The following GPR176 variants were observed in gnomAD, a reference collection of about 807,000 sequenced individuals.
The protein encoded by GPR176 is G-protein coupled receptor 176.
GPR176 carries 26 observed loss-of-function variants against 35.4 expected under a neutral mutation model. The observed-to-expected ratio is 0.74, with a 90% CI of 0.54 to 1.02. GPR176 has a LOEUF of 1.02. Ranked by LOEUF, GPR176 falls within the 50% of genes least tolerant of loss-of-function variation. The pLI, the probability that GPR176 is intolerant of heterozygous loss-of-function variation, is 0.00. For synonymous variants in GPR176, 278 were observed against 271.3 expected (o/e 1.02, Z -0.24); for missense variants, 597 against 665.3 (o/e 0.90, Z 1.13).
intron 1 of GPR176, among the ~76,000 whole-genome samples, chr15:39,878,455 T>G (rs1020749320): frequency 4.2e-5 from 6 of 142,914 alleles, no homozygotes; most frequent in South Asian, 2.4e-4. Context: ...GACTTCTTCC[T>G]TGTGACCAAA....
At chr15:39,906,062 A>C (rs541872031) in intron 1 of GPR176, among the ~76,000 whole-genome samples, 1 of 152,336 alleles carries the variant, frequency 6.6e-6, no homozygotes, top group East Asian at 1.9e-4. Flanking sequence ...TAAAAAGTTC[A>C]GTTTTTAAAA....
At chr15:39,882,934 T>A (rs1241703806) in intron 1 of GPR176, among the ~76,000 whole-genome samples, 1 of 152,210 alleles carries the variant, frequency 6.6e-6, no homozygotes, top group African/African-American at 2.4e-5. Context: ...AAGTGGCAAA[T>A]GTCGGCAATG....
chr15:39,890,941 G>C lies in GPR176; in HGVS notation c.172+28914C>G, dbSNP rs560907962. 3.4e-4 allele frequency among the ~76,000 whole-genome samples: 52 copies of C among 152,326 alleles called. No homozygotes were observed. The South Asian group carries it at 0.011, about 31-fold the overall frequency. ...CAAATTTATAATTGTAGAGTTTAAT[G>C]GAGTAAGACAGAACCCAAGGGGGAG... On this transcript the variant is annotated intron_variant, in intron 1 of 2. Coordinates refer to ENST00000561100, the MANE Select transcript of GPR176 (RefSeq NM_007223.3).
At chr15:39,810,782 T>C (rs1899495556) in intron 1 of GPR176, among the ~76,000 whole-genome samples, 1 of 152,182 alleles carries the variant, frequency 6.6e-6, no homozygotes, top group South Asian at 2.1e-4. Context: ...GAGGCCAAAG[T>C]GGATCGACAA....
intron 1 of GPR176, among the ~76,000 whole-genome samples, chr15:39,860,053 T>C (rs770233932): frequency 1.3e-5 from 2 of 151,880 alleles, no homozygotes; most frequent in Non-Finnish European, 2.9e-5. Context: ...ACTCAACATA[T>C]AGGCCACTTG....
chr15:39,837,631 AG>A (rs1368664080), intron 1 of GPR176, among the ~76,000 whole-genome samples: 2 of 152,114 alleles, frequency 1.3e-5, no homozygotes, highest in African/African-American at 4.8e-5. Flanking sequence ...TGGTAACAGT[AG>A]TAGTAGTAGC....
intron 1 of GPR176, among the ~76,000 whole-genome samples, chr15:39,816,648 C>T (rs1157567842): frequency 6.6e-6 from 1 of 152,172 alleles, no homozygotes; most frequent in East Asian, 1.9e-4. Flanking sequence ...TTGAAACAAC[C>T]ATGAGATTAT....
intron 1 of GPR176, among the ~76,000 whole-genome samples, chr15:39,885,699 T>C (rs779362883): frequency 6.6e-6 from 1 of 152,232 alleles, no homozygotes; most frequent in African/African-American, 2.4e-5. Context: ...ATCTTCTGGA[T>C]CTTGTTATAT....
At chr15:39,810,883 T>G (rs748723019) in intron 1 of GPR176, among the ~76,000 whole-genome samples, 5 of 152,160 alleles carry the variant, frequency 3.3e-5, no homozygotes, top group South Asian at 2.1e-4. Flanking sequence ...AACCCCATAA[T>G]AGAAGAAACA....
chr15:39,907,520 T>C (rs2033457104), intron 1 of GPR176, among the ~76,000 whole-genome samples: 1 of 152,196 alleles, frequency 6.6e-6, no homozygotes, highest in South Asian at 2.1e-4. Flanking sequence ...TTCCCAACCA[T>C]ACACCTGCCA....
intron 1 of GPR176, among the ~76,000 whole-genome samples, chr15:39,863,147 ACTCCTGGGTTCATGCCATT>A (rs1323208617): frequency 8.9e-5 from 13 of 146,646 alleles, no homozygotes; most frequent in Middle Eastern, 3.6e-3. Flanking sequence ...GCAAGCTCCG[ACTCCTGGGTTCATGCCATT>A]CTCCTGGGTT....
At chr15:39,898,634 TAA>T (rs1349873550) in intron 1 of GPR176, among the ~76,000 whole-genome samples, 1 of 151,998 alleles carries the variant, frequency 6.6e-6, no homozygotes, top group East Asian at 1.9e-4. Context: ...TCCTGGAGTG[TAA>T]AGAGACGAGC....
chr15:39,856,883 T>C (rs1038872941), intron 1 of GPR176, among the ~76,000 whole-genome samples: 1 of 152,210 alleles, frequency 6.6e-6, no homozygotes, highest in Admixed American at 6.5e-5. Context: ...GTGTTCCATA[T>C]GTATTTATTG....
intron 2 of GPR176, among the ~76,000 whole-genome samples, chr15:39,804,404 G>T (rs1008585435): frequency 6.6e-6 from 1 of 152,154 alleles, no homozygotes; most frequent in African/African-American, 2.4e-5. Flanking sequence ...CACCAGCCCT[G>T]TTTTCCTACT....
chr15:39,907,419 A>G (rs1338225255), intron 1 of GPR176, among the ~76,000 whole-genome samples: 2 of 152,136 alleles, frequency 1.3e-5, no homozygotes, highest in Non-Finnish European at 2.9e-5. Flanking sequence ...AGCTGAGGAC[A>G]CTCATTTCAC....
At chr15:39,886,990 G>A (rs894402117) in intron 1 of GPR176, among the ~76,000 whole-genome samples, 1 of 152,170 alleles carries the variant, frequency 6.6e-6, no homozygotes, top group African/African-American at 2.4e-5. Context: ...AAGGGAACAC[G>A]AGGTTATTTC....
At chr15:39,902,074 ACT>A (rs1473302446) in intron 1 of GPR176, among the ~76,000 whole-genome samples, 4 of 152,160 alleles carry the variant, frequency 2.6e-5, no homozygotes, top group African/African-American at 9.6e-5. Context: ...ACAAAGTGAG[ACT>A]CTGTCTCAAA....
At chr15:39,849,012 T>C (rs2030665173) in intron 1 of GPR176, among the ~76,000 whole-genome samples, 1 of 146,756 alleles carries the variant, frequency 6.8e-6, no homozygotes. Flanking sequence ...AAACAATAGA[T>C]AAAAATCAGT....
chr15:39,867,600 C>T lies in GPR176; in HGVS notation c.172+52255G>A, dbSNP rs370044078. ...ATTTTAGGTGGCTGAGTGAAATCAG[C>T]AGATGCGGGGTGGGGAGGATTTTAG... On this transcript the variant is annotated intron_variant, in intron 1 of 2. Coordinates refer to ENST00000561100, the MANE Select transcript of GPR176 (RefSeq NM_007223.3). Among the ~76,000 whole-genome samples the T allele has an allele frequency of 3.9e-5, 6 of 152,074 alleles. No homozygotes were observed. In the East Asian group the frequency reaches 1.2e-3, roughly 29 times the overall value.
Sources: gnomAD v4.1 joint callset for allele counts (sites outside exome capture counted in the v4.1 genomes callset) on GRCh38, gnomAD v4.1.1 for gene constraint, MANE v1.5 for transcripts, NCBI Gene and HGNC (gene_info 2026-07-23, HGNC 2026-07-21) for gene names.